Variants in RAI14 observed in about 807,000 individuals in gnomAD.
The protein encoded by RAI14 is ankycorbin.
A neutral mutation model predicts 115.4 loss-of-function variants in RAI14; 45 were observed. The observed-to-expected ratio is 0.39, with a 90% CI of 0.31 to 0.50. RAI14 has a LOEUF of 0.50. Ranked by LOEUF, RAI14 falls within the 20% of genes least tolerant of loss-of-function variation. The pLI is 0.85. For synonymous variants in RAI14, 371 were observed against 415.4 expected, an observed-to-expected ratio of 0.89 and a Z score of 1.30; for missense variants, 939 against 1,131.2, an observed-to-expected ratio of 0.83 and a Z score of 2.44.
Position 34,819,123 on chromosome 5 carries a change from T to C in RAI14, c.994+272T>C, listed in dbSNP as rs148245535. On this transcript the variant is annotated intron_variant, in intron 13 of 17. Transcript: ENST00000265109. ...TACATGTTAGCAGTTCGTTCAATTA[T>C]GAGTACAGGCAATAAGCCTCAGTGG... Among the ~76,000 whole-genome samples, 701 of 152,352 alleles carry C rather than the reference T, an allele frequency of 4.6e-3. 3 individuals are homozygous for C. Among genetic ancestry groups the C allele is most frequent in the African/African-American group, 0.016 (681 of 41,580 alleles).
chr5:34,832,565 T>C lies in RAI14; in HGVS notation c.*1800T>C, dbSNP rs1413901034. On this transcript the variant is annotated 3_prime_UTR_variant, in exon 18 of 18. Coordinates refer to ENST00000265109, the MANE Select transcript of RAI14 (RefSeq NM_015577.3). ...GCTGTAGTTTTTAGTATTTTGTCTT[T>C]GTAATTTACAGAAGTTATTGGAGAA... The C allele has an allele frequency of 1.3e-5, 2 of 152,668 alleles. No individual in the cohort carries two copies. Among genetic ancestry groups the C allele is most frequent in the Non-Finnish European group, 2.9e-5 (2 of 68,044 alleles). 9.5% of individuals were successfully genotyped at this position (152,668 alleles called of 1,614,324 possible).
At chr5:34,719,164 C>T (rs1580009392) in intron 2 of RAI14, among the ~76,000 whole-genome samples, 1 of 152,152 alleles carries the variant, frequency 6.6e-6, no homozygotes, top group East Asian at 1.9e-4. Context: ...GGCTAATTAC[C>T]TGGTGGCTCA....
intron 3 of RAI14, among the ~76,000 whole-genome samples, chr5:34,764,297 G>C (rs1749060175): frequency 1.3e-5 from 2 of 152,224 alleles, no homozygotes; most frequent in African/African-American, 4.8e-5. Context: ...CACCTGGGCA[G>C]CTTTGACAAA....
At chr5:34,737,835 A>G (rs1745056839) in intron 2 of RAI14, among the ~76,000 whole-genome samples, 1 of 152,184 alleles carries the variant, frequency 6.6e-6, no homozygotes, top group Non-Finnish European at 1.5e-5. Context: ...CTTCCAACAC[A>G]TTTTAAATTT....
chr5:34,767,065 T>C (rs1741617214), intron 3 of RAI14, among the ~76,000 whole-genome samples: 1 of 152,234 alleles, frequency 6.6e-6, no homozygotes, highest in Non-Finnish European at 1.5e-5. Flanking sequence ...TGTGGAACTG[T>C]AAGTCCAATT....
chr5:34,765,042 C>G (rs139950618), intron 3 of RAI14, among the ~76,000 whole-genome samples: 7 of 152,268 alleles, frequency 4.6e-5, no homozygotes, highest in Non-Finnish European at 8.8e-5. Flanking sequence ...TTGCTTCTTC[C>G]TCATTTTTCT....
chr5:34,756,391 A>G (rs796470446), intron 2 of RAI14, among the ~76,000 whole-genome samples: 2 of 152,174 alleles, frequency 1.3e-5, no homozygotes, highest in African/African-American at 4.8e-5. Flanking sequence ...GGCTGCAAGG[A>G]AGCAGAGTCT....
chr5:34,774,268 G>A (rs966617059), intron 3 of RAI14, among the ~76,000 whole-genome samples: 3 of 152,084 alleles, frequency 2.0e-5, no homozygotes, highest in African/African-American at 7.2e-5. Flanking sequence ...CTACTTGGGA[G>A]GCTGAGGAAG....
chr5:34,678,166 T>C (rs112805360), intron 1 of RAI14, among the ~76,000 whole-genome samples: 21 of 152,032 alleles, frequency 1.4e-4, no homozygotes, highest in African/African-American at 4.6e-4. Context: ...GGCACGATCT[T>C]GGCTCACCGC....
intron 3 of RAI14, among the ~76,000 whole-genome samples, chr5:34,783,643 A>G (rs1751942052): frequency 6.6e-6 from 1 of 152,112 alleles, no homozygotes; most frequent in South Asian, 2.1e-4. Flanking sequence ...ATAATACGAG[A>G]TTCAATTGCA....
chr5:34,791,910 C>T lies in RAI14; in HGVS notation c.168-4029C>T, dbSNP rs1360359186. On this transcript the variant is annotated intron_variant, in intron 3 of 17. Transcript: ENST00000265109. This position sits in a 1 kb window ranked among gnomAD's most constrained non-coding sequence, Gnocchi z 5.4. Reference sequence around the variant, plus strand: ...GAGGGGAGGAGATGATGCCCTGAACCCCATCGTCATTCTCACTGGGCAAGC... The same window carrying T: ...GAGGGGAGGAGATGATGCCCTGAACTCCATCGTCATTCTCACTGGGCAAGC... Among the ~76,000 whole-genome samples the T allele has an allele frequency of 6.6e-6, 1 of 152,216 alleles. No individual in the cohort carries two copies. Among genetic ancestry groups the T allele is most frequent in the Non-Finnish European group, 1.5e-5 (1 of 68,038 alleles).
At chr5:34,795,066 A>T (rs1307772469) in intron 3 of RAI14, among the ~76,000 whole-genome samples, 1 of 152,188 alleles carries the variant, frequency 6.6e-6, no homozygotes, top group Non-Finnish European at 1.5e-5. Context: ...TTTTGCAGCC[A>T]TCTTGGCCTC....
intron 2 of RAI14, among the ~76,000 whole-genome samples, chr5:34,752,725 G>GTATATATATATA (rs1747226661): frequency 1.2e-5 from 1 of 80,336 alleles, no homozygotes; most frequent in Admixed American, 1.1e-4. Context: ...GTGTGTGTGT[G>GTATATATATATA]TGTGTGTGTG....
At chr5:34,730,249 C>A (rs1476818264) in intron 2 of RAI14, among the ~76,000 whole-genome samples, 1 of 152,154 alleles carries the variant, frequency 6.6e-6, no homozygotes, top group African/African-American at 2.4e-5. Context: ...TTGCTGGTGT[C>A]TTTATATGCA....
rs140961358 is a variant in RAI14, at chr5:34,832,154, T to C, written c.*1389T>C. 7 of 152,672 alleles carry C rather than the reference T, an allele frequency of 4.6e-5. No individual in the cohort carries two copies. In the East Asian group the frequency reaches 1.3e-3, roughly 29 times the overall value. The allele number at this position is 152,672 out of a possible 1,614,324, so 9.5% of individuals were successfully genotyped here. On this transcript the variant is annotated 3_prime_UTR_variant, in exon 18 of 18. Transcript: ENST00000265109. ...ACTCTCCAAAGTATTTAACTGAAAGTAGGGCCTGCTCTGACAGGGCCCATG... is the reference window on the plus strand; with the variant it reads ...ACTCTCCAAAGTATTTAACTGAAAGCAGGGCCTGCTCTGACAGGGCCCATG...
At chr5:34,818,704 C>T in intron 12 of RAI14, 93 bp from the exon 13 acceptor site, 1 of 1,013,958 alleles carries the variant, frequency 9.9e-7, no homozygotes, top group Non-Finnish European at 1.5e-6. Context: ...ACCAGATCTG[C>T]TCTGCGTAAG....
chr5:34,669,598 A>G (rs929658354), intron 1 of RAI14, among the ~76,000 whole-genome samples: 3 of 152,164 alleles, frequency 2.0e-5, no homozygotes, highest in Admixed American at 2.0e-4. Flanking sequence ...TGGCTTCCCG[A>G]ACAGTAGCAC....
chr5:34,751,555 CT>C (rs1447445036), intron 2 of RAI14, among the ~76,000 whole-genome samples: 3 of 152,154 alleles, frequency 2.0e-5, no homozygotes, highest in Non-Finnish European at 4.4e-5. Context: ...GTGTGTCTTG[CT>C]TCTTTCAACA....
At chr5:34,749,033 G>T (rs899998437) in intron 2 of RAI14, among the ~76,000 whole-genome samples, 1 of 152,140 alleles carries the variant, frequency 6.6e-6, no homozygotes, top group African/African-American at 2.4e-5. Context: ...AAGCTTGCCT[G>T]TTCCTTGTAC....
Sources: allele counts gnomAD v4.1 joint callset (sites outside exome capture counted in the v4.1 genomes callset), GRCh38; gene constraint gnomAD v4.1.1; non-coding constraint Gnocchi (gnomAD v3.1); transcripts MANE v1.5; gene names NCBI Gene and HGNC (gene_info 2026-07-23, HGNC 2026-07-21).